Variants in TRIP11 observed in about 807,000 individuals in gnomAD.
TRIP11 encodes thyroid receptor-interacting protein 11.
A neutral mutation model predicts 223.1 loss-of-function variants in TRIP11; 148 were observed. The ratio of observed to expected loss-of-function variants is 0.66; its 90% confidence interval spans 0.58 to 0.76. TRIP11 has a LOEUF of 0.76. Among genes scored for constraint, TRIP11 ranks in the 30% least tolerant of loss-of-function variants. The pLI, the probability that TRIP11 is intolerant of heterozygous loss-of-function variation, is 0.00. For missense variants in TRIP11, 2,043 were observed against 2,222.0 expected (o/e 0.92, Z 1.62); for synonymous variants, 762 against 772.6 (o/e 0.99, Z 0.23).
At chr14:91,992,079 CAAAAAAAAAA>C (rs3031548) in intron 15 of TRIP11, among the ~76,000 whole-genome samples, 7 of 59,726 alleles carry the variant, frequency 1.2e-4, no homozygotes, top group Non-Finnish European at 2.0e-4. Flanking sequence ...AACGCCGTCT[CAAAAAAAAAA>C]AAAAAAAAAA....
chr14:91,993,405 G>A (rs562394298), intron 15 of TRIP11, among the ~76,000 whole-genome samples: 1 of 150,110 alleles, frequency 6.7e-6, no homozygotes, highest in East Asian at 2.0e-4. Context: ...GAACCCGGAA[G>A]GCAGAGGTTG....
chr14:92,026,423 C>T, intron 2 of TRIP11: 1 of 611,292 alleles, frequency 1.6e-6, no homozygotes, highest in Non-Finnish European at 2.9e-6. Flanking sequence ...AATGGGGCGC[C>T]CCACTGGCTG....
chr14:92,036,228 C>G (rs1270753922), intron 1 of TRIP11, among the ~76,000 whole-genome samples: 1 of 152,158 alleles, frequency 6.6e-6, no homozygotes, highest in Non-Finnish European at 1.5e-5. Flanking sequence ...AACTCCACAC[C>G]TCCCCCAACA....
At position 92,014,426 on chromosome 14, in the gene TRIP11, T is replaced by G; in HGVS notation, c.975A>C (p.Ala325=). The change falls in exon 7 of 21, where the codon GCA becomes GCC. Residue 325 remains alanine (A), a synonymous_variant. Coordinates refer to ENST00000267622, the MANE Select transcript of TRIP11 (RefSeq NM_004239.4). Reference sequence around the variant, plus strand: ...TCCTCAAAATATCTCTGTCATTTTCTGCAGAAGATAATTTTTTATTTATAT... The same window carrying G: ...TCCTCAAAATATCTCTGTCATTTTCGGCAGAAGATAATTTTTTATTTATAT... ...IKDINKKLSS[A]ENDRDILRRE... is the part of the protein sequence containing the mutation. 1 of 1,609,414 alleles carries G rather than the reference T, an allele frequency of 6.2e-7. No individual in the cohort carries two copies. Among genetic ancestry groups the G allele is most frequent in the East Asian group, 2.2e-5 (1 of 44,818 alleles).
chr14:92,003,803 G>T lies in TRIP11; in HGVS notation c.4173C>A (p.Thr1391=). 6 of 1,614,086 alleles carry T rather than the reference G, an allele frequency of 3.7e-6. No homozygotes were observed. Among genetic ancestry groups the T allele is most frequent in the Non-Finnish European group, 5.1e-6 (6 of 1,180,034 alleles). ...CCTTTAGCTGCTTGATTTCTGAATC[G>T]GTTTGTTCGTGTTCTTTTCTTTCTA... ...SELERKEHEQ[T]DSEIKQLKEK... is the part of the protein sequence containing the mutation. The change falls in exon 11 of 21, where the codon ACC becomes ACA. Residue 1391 remains threonine, a synonymous_variant. Coordinates refer to ENST00000267622, the MANE Select transcript of TRIP11 (RefSeq NM_004239.4).
rs2057013980 is a variant in TRIP11, at chr14:92,014,688, A to G, written c.824-111T>C. ...CAGTTCAGAATTTGGAAAGCTTAAAAGTTAAATTACTATAATAAACTAAGT... is the reference window on the plus strand; with the variant it reads ...CAGTTCAGAATTTGGAAAGCTTAAAGGTTAAATTACTATAATAAACTAAGT... On this transcript the variant is annotated intron_variant, in intron 6 of 20. Coordinates refer to ENST00000267622, the MANE Select transcript of TRIP11 (RefSeq NM_004239.4). 3.3e-6 allele frequency: 4 copies of G among 1,213,682 alleles called. No individual in the cohort carries two copies. The South Asian group carries it at 6.2e-5, about 19-fold the overall frequency. The allele number at this position is 1,213,682 out of a possible 1,614,324, so 75.2% of individuals were successfully genotyped here.
intron 16 of TRIP11, among the ~76,000 whole-genome samples, chr14:91,981,764 A>G (rs1261693088): frequency 6.6e-6 from 1 of 152,212 alleles, no homozygotes; most frequent in African/African-American, 2.4e-5. Context: ...AGTATATGGT[A>G]AATGTTTTGT....
intron 1 of TRIP11, among the ~76,000 whole-genome samples, chr14:92,036,769 C>T (rs1009263157): frequency 6.6e-6 from 1 of 152,214 alleles, no homozygotes; most frequent in Admixed American, 6.5e-5. Flanking sequence ...AGGGTCGTCT[C>T]TGTCACCCAG....
At chr14:92,026,946 A>T in intron 2 of TRIP11, 1 of 1,125,910 alleles carries the variant, frequency 8.9e-7, no homozygotes, top group Non-Finnish European at 1.3e-6. Flanking sequence ...TTCACCCTCC[A>T]CTTCCCCTCT....
chr14:92,021,967 T>A, intron 3 of TRIP11, 136 bp from the exon 4 acceptor site: 1 of 887,112 alleles, frequency 1.1e-6, no homozygotes, highest in Non-Finnish European at 1.7e-6. Context: ...CAACTGAATC[T>A]AAGTCTTATA....
chr14:91,975,149 G>C lies in TRIP11; in HGVS notation c.5457+23C>G, dbSNP rs765290939. On this transcript the variant is annotated intron_variant, in intron 18 of 20. Coordinates refer to ENST00000267622, the MANE Select transcript of TRIP11 (RefSeq NM_004239.4). ...ACTATCTGGATTATGAATGTGTTCA[G>C]ATGGCTTTCATCGTCCAGTCACCTG... 31 of 1,587,360 alleles carry C rather than the reference G, an allele frequency of 2.0e-5. 1 individual carries two copies. In the South Asian group the frequency reaches 3.2e-4, roughly 16 times the overall value.
rs748088907 is a variant in TRIP11, at chr14:92,021,791, T to C, written c.353A>G (p.Gln118Arg). The change falls in exon 4 of 21, where the codon CAG becomes CGG. Residue 118 changes from glutamine to arginine, a missense_variant. Gln to Arg is a conservative substitution (Grantham distance 43). Coordinates refer to ENST00000267622, the MANE Select transcript of TRIP11 (RefSeq NM_004239.4). Reference protein sequence around the residue: ...SHLKARQIALQDQLLKLQSAA... With the variant: ...SHLKARQIALRDQLLKLQSAA... ...TGACTGCAGTTTCAGCAACTGATCC[T>C]GGAGTGCAATCTGTCTGGCTTTAAG... The C allele has an allele frequency of 3.1e-6, 5 of 1,614,194 alleles. No individual in the cohort carries two copies. The highest frequency in any genetic ancestry group is 4.2e-6 in the Non-Finnish European group (5 of 1,180,034).
At chr14:91,980,415 T>C (rs2056522810) in intron 16 of TRIP11, among the ~76,000 whole-genome samples, 1 of 152,156 alleles carries the variant, frequency 6.6e-6, no homozygotes, top group South Asian at 2.1e-4. Context: ...ACACAGAACT[T>C]GAGAGTCAGA....
At position 92,005,704 on chromosome 14, in the gene TRIP11, G is replaced by C; in HGVS notation, c.2272C>G (p.Gln758Glu). Residue 758 changes from glutamine (Q) to glutamate (E), a missense_variant, in exon 11 of 21, where the codon CAG becomes GAG. Transcript: ENST00000267622. ...TTAATTAAATGCTCATGTTCCAGCT[G>C]TAAGGCAGAGGTATTCAAATTACGT... is the stretch of plus-strand genomic sequence containing the variant. ...NARNLNTSAL[Q>E]LEHEHLIKLN... 1.2e-6 allele frequency: 2 copies of C among 1,613,864 alleles called. No individual in the cohort carries two copies. The highest frequency in any genetic ancestry group is 1.7e-6 in the Non-Finnish European group (2 of 1,179,998).
chr14:91,982,114 A>G (rs2056552958), intron 16 of TRIP11, among the ~76,000 whole-genome samples: 1 of 152,232 alleles, frequency 6.6e-6, no homozygotes, highest in Admixed American at 6.5e-5. Context: ...GATTATTTGT[A>G]GACCAAATTT....
At chr14:91,988,723 T>C (rs955511246) in intron 15 of TRIP11, among the ~76,000 whole-genome samples, 3 of 152,142 alleles carry the variant, frequency 2.0e-5, no homozygotes, top group African/African-American at 7.2e-5. Context: ...TGTTCTCTTT[T>C]TCATTTTTGA....
intron 19 of TRIP11, among the ~76,000 whole-genome samples, chr14:91,973,863 A>G (rs2056429924): frequency 6.6e-6 from 1 of 152,092 alleles, no homozygotes; most frequent in Non-Finnish European, 1.5e-5. Flanking sequence ...AGTCTCCACT[A>G]AAAATACAAA....
Position 91,978,028 on chromosome 14 carries a change from C to T in TRIP11, c.5261-1839G>A, listed in dbSNP as rs559587934. ...TTCCAGTAAGGAATTTAAACTTGGA[C>T]GAGAGAGGGAGAGAGAGAAGGGGAG... On this transcript the variant is annotated intron_variant, in intron 16 of 20. Transcript: ENST00000267622. This position sits in a 1 kb window ranked among gnomAD's most constrained non-coding sequence, Gnocchi z 4.4. Among the ~76,000 whole-genome samples the T allele has an allele frequency of 2.8e-4, 42 of 151,088 alleles. No individual in the cohort carries two copies. Among genetic ancestry groups the T allele is most frequent in the African/African-American group, 8.8e-4 (36 of 41,128 alleles).
At chr14:91,969,961 T>A in intron 20 of TRIP11, 68 bp from the exon 21 acceptor site, 1 of 1,402,878 alleles carries the variant, frequency 7.1e-7, no homozygotes, top group Admixed American at 1.9e-5. Flanking sequence ...TAACTCTGAA[T>A]GTAATAGCAT....
Sources: allele counts gnomAD v4.1 joint callset (sites outside exome capture counted in the v4.1 genomes callset), GRCh38; gene constraint gnomAD v4.1.1; non-coding constraint Gnocchi (gnomAD v3.1); transcripts MANE v1.5; gene names NCBI Gene and HGNC (gene_info 2026-07-23, HGNC 2026-07-21).